Variants in FHAD1 observed in about 807,000 individuals in gnomAD.
The protein encoded by FHAD1 is forkhead-associated domain-containing protein 1.
Under a neutral mutation model 191.3 loss-of-function variants are expected in FHAD1, and 146 were observed. That is an observed-to-expected ratio of 0.76 (90% CI 0.67 to 0.88). The LOEUF (loss-of-function observed/expected upper bound fraction) is 0.88. Ranked by LOEUF, FHAD1 falls within the 40% of genes least tolerant of loss-of-function variation. The pLI is 0.00. For missense variants in FHAD1, 1,635 were observed against 1,785.8 expected (o/e 0.92, Z 1.52); for synonymous variants, 616 against 672.3 (o/e 0.92, Z 1.29).
In FHAD1 at chr1:15,313,084, T is replaced by C; in HGVS notation, c.1067T>C (p.Ile356Thr). ...ATGGTGTCATCTTTGCAAAAAGACA[T>C]ATTAGCAAAGGATGAGCAAGTTCAA... Reference protein sequence around the residue: ...SGMVSSLQKDILAKDEQVQQL... With the variant: ...SGMVSSLQKDTLAKDEQVQQL... The change falls in exon 8 of 34, where the codon ATA becomes ACA. Residue 356 changes from isoleucine to threonine, a missense_variant. Physicochemically the swap from Ile to Thr is moderately conservative, Grantham distance 89. Transcript: ENST00000688493. The C allele has an allele frequency of 1.9e-6, 3 of 1,551,646 alleles. No homozygotes were observed. In the South Asian group the frequency reaches 3.6e-5, roughly 18 times the overall value.
At chr1:15,245,611 G>T (rs927223872), upstream of FHAD1, among the ~76,000 whole-genome samples, 18 of 152,132 alleles carry the variant, frequency 1.2e-4, no homozygotes, top group African/African-American at 4.3e-4. Context: ...CCATCACTTG[G>T]GTCCCAGCCC....
At chr1:15,291,476 C>T (rs1008432387) in intron 4 of FHAD1, among the ~76,000 whole-genome samples, 2 of 152,160 alleles carry the variant, frequency 1.3e-5, no homozygotes, top group African/African-American at 2.4e-5. Context: ...AATAAGTTTC[C>T]TACAGCTGTA....
chr1:15,327,072 GAAGTC>G lies in FHAD1; in HGVS notation c.1494_1498del (p.Gln498HisfsTer30). ...TCTCTGCTGCAGCTGGAGCACTTCA[GAAGTC>G]AAGTCATCAAGGCCACCTATGGACG... On this transcript the variant is annotated frameshift_variant, in exon 12 of 34. Coordinates refer to ENST00000688493, the MANE Select transcript of FHAD1 (RefSeq NM_001391957.1). LOFTEE classifies it high-confidence loss of function. The surrounding 1 kb of genome is among the most constrained non-coding windows in gnomAD (Gnocchi z 5.1). The G allele has an allele frequency of 6.4e-7, 1 of 1,551,162 alleles. No homozygotes were observed. The highest frequency in any genetic ancestry group is 8.7e-7 in the Non-Finnish European group (1 of 1,146,772).
chr1:15,253,471 ATCT>A (rs1270719505), intron 2 of FHAD1, among the ~76,000 whole-genome samples: 2 of 152,040 alleles, frequency 1.3e-5, no homozygotes, highest in African/African-American at 4.8e-5. Flanking sequence ...GTTGATTTAG[ATCT>A]TCTTTGGTTT....
chr1:15,256,928 C>T (rs1648468865), intron 2 of FHAD1, among the ~76,000 whole-genome samples: 2 of 152,188 alleles, frequency 1.3e-5, no homozygotes, highest in Admixed American at 1.3e-4. Context: ...GGGAACTGTT[C>T]TCTATAGCAT....
chr1:15,266,754 C>T (rs1192828876), intron 2 of FHAD1, among the ~76,000 whole-genome samples: 2 of 152,234 alleles, frequency 1.3e-5, no homozygotes, highest in African/African-American at 4.8e-5. Context: ...AACACAGCCC[C>T]CCACCTTCCC....
At chr1:15,254,245 A>G (rs947956460) in intron 2 of FHAD1, among the ~76,000 whole-genome samples, 13 of 152,222 alleles carry the variant, frequency 8.5e-5, no homozygotes, top group Non-Finnish European at 1.9e-4. Flanking sequence ...GATATTAGAA[A>G]ACTGTAGTAA....
At chr1:15,383,683 C>T (rs536363173) in intron 31 of FHAD1, 19 of 304,326 alleles carry the variant, frequency 6.2e-5, no homozygotes, top group Non-Finnish European at 1.1e-4. Flanking sequence ...GAAAGAACCA[C>T]AGTCACTGTT....
At chr1:15,278,616 G>GGT (rs1659372558) in intron 3 of FHAD1, among the ~76,000 whole-genome samples, 1 of 151,910 alleles carries the variant, frequency 6.6e-6, no homozygotes, top group Admixed American at 6.6e-5. Flanking sequence ...TGGAATTACA[G>GGT]GTGTGTGCCA....
chr1:15,283,638 C>CA (rs1661351171), intron 3 of FHAD1, among the ~76,000 whole-genome samples: 1 of 152,224 alleles, frequency 6.6e-6, no homozygotes, highest in Admixed American at 6.5e-5. Context: ...CCAGCACCAA[C>CA]AGGCCCCAGC....
In FHAD1 at chr1:15,382,687, A is replaced by G. The variant is rs575729060; in HGVS notation, c.4188+494A>G. Among the ~76,000 whole-genome samples, 23 of 152,306 alleles carry G rather than the reference A, an allele frequency of 1.5e-4. No homozygotes were observed. The South Asian group carries it at 4.8e-3, about 32-fold the overall frequency. On this transcript the variant is annotated intron_variant, in intron 31 of 33. Transcript: ENST00000688493. ...TTGAAGAACATATCCCTTAGTGTGG[A>G]ACAGAGAGCTGACTTCAGGTGGATT...
In FHAD1 at chr1:15,345,433, TA is replaced by T; in HGVS notation, c.2257del (p.Thr753ProfsTer7). ...QQKKALAKSITQEKNRVKEAL... is the reference protein window; with the variant it reads ...QQKKALAKSIXQEKNRVKEAL... The stretch of plus-strand genomic sequence containing the variant: ...TGACTCAGGCTTTGGCGAAAAGCAT[TA>T]CCCAGGAGAAGAACAGAGTGAAGGA... On this transcript the variant is annotated frameshift_variant, in exon 18 of 34. Transcript: ENST00000688493. LOFTEE classifies it high-confidence loss of function. The T allele has an allele frequency of 6.4e-7, 1 of 1,552,302 alleles. No individual in the cohort carries two copies. The highest frequency in any genetic ancestry group is 1.2e-5 in the South Asian group (1 of 84,056).
intron 21 of FHAD1, among the ~76,000 whole-genome samples, chr1:15,358,959 G>T (rs1043566842): frequency 1.3e-5 from 2 of 152,052 alleles, no homozygotes; most frequent in African/African-American, 4.8e-5. Context: ...TGGGGGAGGC[G>T]TGGGGGGAAG....
chr1:15,275,214 A>C (rs926485778), intron 3 of FHAD1, among the ~76,000 whole-genome samples: 1 of 152,094 alleles, frequency 6.6e-6, no homozygotes, highest in Non-Finnish European at 1.5e-5. Context: ...CGCCCGTCTC[A>C]GCCTCCCAAA....
intron 19 of FHAD1, 73 bp downstream of exon 19, chr1:15,349,222 A>G: frequency 8.5e-7 from 1 of 1,179,158 alleles, no homozygotes; most frequent in Non-Finnish European, 1.2e-6. Flanking sequence ...TACAGTGGGA[A>G]ATCGGGCAGA....
intron 26 of FHAD1, among the ~76,000 whole-genome samples, chr1:15,370,121 C>T (rs1014547511): frequency 3.3e-5 from 5 of 151,764 alleles, no homozygotes; most frequent in Admixed American, 2.6e-4. Context: ...GGACTACAGA[C>T]GCACACCACC....
intron 31 of FHAD1, among the ~76,000 whole-genome samples, chr1:15,385,848 T>A (rs1045772514): frequency 6.6e-6 from 1 of 152,170 alleles, no homozygotes; most frequent in African/African-American, 2.4e-5. Context: ...ACATAAAATG[T>A]TGGGGAAAAC....
intron 18 of FHAD1, among the ~76,000 whole-genome samples, chr1:15,345,828 C>T (rs549169611): frequency 1.4e-4 from 21 of 152,204 alleles, no homozygotes; most frequent in Admixed American, 2.0e-4. Context: ...AGCACAGAAA[C>T]GGGAGAATGA....
At chr1:15,307,184 C>A (rs1194464771) in intron 6 of FHAD1, among the ~76,000 whole-genome samples, 2 of 152,168 alleles carry the variant, frequency 1.3e-5, no homozygotes, top group African/African-American at 4.8e-5. Context: ...TGCTGGATTT[C>A]AGACTTTCAT....
Sources: allele counts gnomAD v4.1 joint callset (sites outside exome capture counted in the v4.1 genomes callset), GRCh38; gene constraint gnomAD v4.1.1; non-coding constraint Gnocchi (gnomAD v3.1); transcripts MANE v1.5; gene names NCBI Gene and HGNC (gene_info 2026-07-23, HGNC 2026-07-21).